The following SLC25A26 variants were observed in gnomAD, a reference collection of about 807,000 sequenced individuals.
SLC25A26 encodes the protein solute carrier family 25 member 26.
SLC25A26 carries 36 observed loss-of-function variants against 37.8 expected under a neutral mutation model. The observed-to-expected ratio is 0.95, with a 90% CI of 0.73 to 1.26. The LOEUF is 1.26. SLC25A26 is among the 50% of genes most tolerant of loss of function. SLC25A26 has a pLI of 0.00. For synonymous variants in SLC25A26, 129 were observed against 122.5 expected, an observed-to-expected ratio of 1.05 and a Z score of -0.35; for missense variants, 390 against 331.1, an observed-to-expected ratio of 1.18 and a Z score of -1.38.
chr3:66,237,829 CT>C (rs1233576322), intron 2 of SLC25A26, among the ~76,000 whole-genome samples: 6 of 152,086 alleles, frequency 3.9e-5, no homozygotes, highest in Admixed American at 2.0e-4. Context: ...CTGGGGATTG[CT>C]TTTGTTTTTC....
At chr3:66,151,657 A>T (rs1315870168) in intron 1 of SLC25A26, among the ~76,000 whole-genome samples, 1 of 152,078 alleles carries the variant, frequency 6.6e-6, no homozygotes, top group Non-Finnish European at 1.5e-5. Flanking sequence ...CTTACACATC[A>T]TCCTCTCCTT....
chr3:66,263,020 T>C (rs1027369005), intron 4 of SLC25A26, among the ~76,000 whole-genome samples: 3 of 152,248 alleles, frequency 2.0e-5, no homozygotes, highest in African/African-American at 7.2e-5. Context: ...TTAAGTACTA[T>C]ATAATTAATA....
At chr3:66,316,955 G>A (rs569981345) in intron 5 of SLC25A26, among the ~76,000 whole-genome samples, 73 of 152,206 alleles carry the variant, frequency 4.8e-4, no homozygotes, top group Middle Eastern at 3.4e-3. Flanking sequence ...ACTCCATCAG[G>A]TCATTTATGT....
intron 3 of SLC25A26, among the ~76,000 whole-genome samples, chr3:66,261,437 A>G (rs943953568): frequency 1.3e-5 from 2 of 152,080 alleles, no homozygotes; most frequent in African/African-American, 4.8e-5. Context: ...GATGACATAT[A>G]CCCGGCCTCA....
intron 5 of SLC25A26, among the ~76,000 whole-genome samples, chr3:66,265,185 T>TA (rs1559632790): frequency 6.6e-6 from 1 of 152,082 alleles, no homozygotes. Context: ...GTGGTGCCTG[T>TA]AATCCCAGCT....
intron 5 of SLC25A26, among the ~76,000 whole-genome samples, chr3:66,290,281 C>A (rs190342350): frequency 6.6e-6 from 1 of 152,106 alleles, no homozygotes; most frequent in Non-Finnish European, 1.5e-5. Flanking sequence ...TTGACTTCCT[C>A]TCTTCCTATT....
intron 1 of SLC25A26, among the ~76,000 whole-genome samples, chr3:66,230,344 A>T (rs868992740): frequency 4.6e-5 from 7 of 152,158 alleles, no homozygotes; most frequent in African/African-American, 1.7e-4. Context: ...CATAGCATTT[A>T]ATTCTGACTG....
At position 66,221,041 on chromosome 3, in the gene SLC25A26, G is replaced by A. The variant is rs2071462151; in HGVS notation, c.-54G>A. 6.5e-7 allele frequency: 1 copy of A among 1,531,198 alleles called. No individual in the cohort carries two copies. Among genetic ancestry groups the A allele is most frequent in the Non-Finnish European group, 8.8e-7 (1 of 1,142,116 alleles). 94.9% of individuals were successfully genotyped at this position (1,531,198 alleles called of 1,614,324 possible). ...ATGGCGGCGCCCAGCGCGCGAGGAC[G>A]TGATCCGCTTCTGCTCCGGCTTGGA... On this transcript the variant is annotated 5_prime_UTR_variant, in exon 1 of 10. The change creates a new upstream start codon in the 5' untranslated region. Coordinates refer to ENST00000354883, the MANE Select transcript of SLC25A26 (RefSeq NM_001379210.1).
At chr3:66,209,898 T>TATATATTTATATATATATATATATATA (rs2071256377) in intron 1 of SLC25A26, among the ~76,000 whole-genome samples, 1 of 38,608 alleles carries the variant, frequency 2.6e-5, no homozygotes, top group African/African-American at 8.8e-5. Flanking sequence ...CTCTCTCTAT[T>TATATATTTATATATATATATATATATA]TATATATATA....
At chr3:66,307,014 A>G (rs912039370) in intron 5 of SLC25A26, among the ~76,000 whole-genome samples, 1 of 152,208 alleles carries the variant, frequency 6.6e-6, no homozygotes, top group Non-Finnish European at 1.5e-5. Context: ...TCCTTTGGGT[A>G]TATACCCAGT....
At chr3:66,148,171 G>A (rs2070147683) in intron 1 of SLC25A26, among the ~76,000 whole-genome samples, 1 of 152,094 alleles carries the variant, frequency 6.6e-6, no homozygotes, top group Non-Finnish European at 1.5e-5. Flanking sequence ...TCATATGTTT[G>A]TTCTTCATTT....
intron 5 of SLC25A26, among the ~76,000 whole-genome samples, chr3:66,268,541 A>G (rs113404709): frequency 2.0e-5 from 3 of 152,294 alleles, no homozygotes; most frequent in African/African-American, 7.2e-5. Flanking sequence ...AACTTCCCCC[A>G]AATTCTTGTG....
chr3:66,263,197 T>C (rs1182171148), intron 4 of SLC25A26, 135 bp from the exon 5 acceptor site: 2 of 684,724 alleles, frequency 2.9e-6, no homozygotes, highest in East Asian at 5.4e-5. Context: ...TTTAGAATCA[T>C]TAACCTCTTA....
intron 9 of SLC25A26, chr3:66,371,338 T>G: frequency 6.5e-7 from 1 of 1,547,384 alleles, no homozygotes; most frequent in East Asian, 2.5e-5. Context: ...GTTGGATCAC[T>G]TATGTGATTG....
intron 5 of SLC25A26, among the ~76,000 whole-genome samples, chr3:66,265,402 A>C (rs1576748875): frequency 1.3e-5 from 2 of 152,214 alleles, no homozygotes; most frequent in South Asian, 4.1e-4. Context: ...CTAAGTTCAA[A>C]AGTTCGTTTT....
intron 5 of SLC25A26, among the ~76,000 whole-genome samples, chr3:66,265,345 A>G (rs956044573): frequency 6.6e-6 from 1 of 152,180 alleles, no homozygotes; most frequent in African/African-American, 2.4e-5. Context: ...GCATGTTATA[A>G]TCTTTGCTTC....
intron 5 of SLC25A26, among the ~76,000 whole-genome samples, chr3:66,318,909 C>G (rs1468490396): frequency 2.0e-5 from 3 of 152,132 alleles, no homozygotes; most frequent in African/African-American, 7.2e-5. Context: ...CTTGGCCTCC[C>G]AAAGTGCTGG....
At chr3:66,212,774 T>G (rs1241095503) in intron 1 of SLC25A26, among the ~76,000 whole-genome samples, 1 of 152,212 alleles carries the variant, frequency 6.6e-6, no homozygotes, top group African/African-American at 2.4e-5. Context: ...TTGCTTAGCA[T>G]AATGTCTTCA....
intron 2 of SLC25A26, among the ~76,000 whole-genome samples, chr3:66,239,632 A>G (rs1323946331): frequency 6.6e-6 from 1 of 152,152 alleles, no homozygotes; most frequent in East Asian, 1.9e-4. Context: ...TGATCTTGTC[A>G]TGAAATGACT....
Sources: allele counts gnomAD v4.1 joint callset (sites outside exome capture counted in the v4.1 genomes callset), GRCh38; gene constraint gnomAD v4.1.1; transcripts MANE v1.5; gene names NCBI Gene and HGNC (gene_info 2026-07-23, HGNC 2026-07-21).